Variants in NOP2 observed in about 807,000 individuals in gnomAD.
The protein encoded by NOP2 is NOP2 nucleolar protein.
In NOP2, 7 loss-of-function variants were observed where a neutral mutation model predicts 72.7. The observed-to-expected ratio is 0.10, with a 90% confidence interval of 0.05 to 0.18. The LOEUF (loss-of-function observed/expected upper bound fraction) is 0.18. Among genes scored for constraint, NOP2 ranks in the 10% least tolerant of loss-of-function variants. The pLI, the probability that NOP2 is intolerant of heterozygous loss-of-function variation, is 1.00. For synonymous variants in NOP2, 387 were observed against 388.0 expected, an observed-to-expected ratio of 1.00 and a Z score of 0.03; for missense variants, 954 against 1,014.7, an observed-to-expected ratio of 0.94 and a Z score of 0.81.
intron 5 of NOP2, among the ~76,000 whole-genome samples, chr12:6,565,524 G>C (rs1272144904): frequency 2.0e-5 from 3 of 151,702 alleles, no homozygotes; most frequent in Non-Finnish European, 4.4e-5. Flanking sequence ...ATTTTTAGTA[G>C]GGATGGGGTT....
At position 6,561,652 on chromosome 12, in the gene NOP2, C is replaced by T. The variant is rs1947652824; in HGVS notation, c.1207+12G>A. 1.9e-6 allele frequency: 3 copies of T among 1,611,852 alleles called. No homozygotes were observed. Among genetic ancestry groups the T allele is most frequent in the Admixed American group, 1.7e-5 (1 of 59,980 alleles). ...CAGCCCGATGAATCCCACCTGCCTG[C>T]CCCTCTCATACCCATGTAGCTGGTC... On this transcript the variant is annotated intron_variant, in intron 11 of 15. Transcript: ENST00000322166.
rs938784834 is a variant in NOP2, at chr12:6,561,892, A to G, written c.1058T>C (p.Val353Ala). The G allele has an allele frequency of 9.9e-6, 16 of 1,611,420 alleles. No homozygotes were observed. Among genetic ancestry groups the G allele is most frequent in the Non-Finnish European group, 1.3e-5 (15 of 1,178,854 alleles). The change falls in exon 10 of 16, where the codon GTG becomes GCG. Residue 353 changes from valine (V) to alanine (A), a missense_variant. Val to Ala is a moderately conservative substitution (Grantham distance 64, BLOSUM62 0). This residue lies in a region of NOP2 where 498 missense variants were observed against 478.3 expected (regional missense o/e 1.04). Coordinates refer to ENST00000322166, the MANE Select transcript of NOP2 (RefSeq NM_001258308.2). ...KTGLVVYDSS[V>A]PIGATPEYLA... The stretch of plus-strand genomic sequence containing the variant: ...GGGTGGGGGAGACTTACCAATGGGC[A>G]CAGAAGAATCATACACCACTAGTCC...
chr12:6,557,836 T>C (rs1947534900), intron 15 of NOP2, among the ~76,000 whole-genome samples, 194 bp from the exon 16 acceptor site: 1 of 152,166 alleles, frequency 6.6e-6, no homozygotes, highest in Admixed American at 6.5e-5. Flanking sequence ...TAGTTGAACC[T>C]TGTATTAAAA....
chr12:6,567,942 GAGA>G lies in NOP2; in HGVS notation c.-4-23_-4-21del. On this transcript the variant is annotated intron_variant, in intron 1 of 15. Transcript: ENST00000322166. ...ATGGTACTGTGGCAGGCAGAAATGG[GAGA>G]AGGTGGCGTCGCGCGTGTCGGAGGG... 6.3e-7 allele frequency: 1 copy of G among 1,594,530 alleles called. No homozygotes were observed. The highest frequency in any genetic ancestry group is 1.3e-5 in the African/African-American group (1 of 74,516).
chr12:6,557,387 G>GGAA lies in NOP2; in HGVS notation c.2044_2045insTTC (p.Gln681_Pro682insLeu). On this transcript the variant is annotated inframe_insertion, in exon 16 of 16. Transcript: ENST00000322166. ...CCTGATCCCTTCGGCTTTTCCAGCT[G>GGAA]GCTGACTGCTATCCTGGAAGCTGGA... 1 of 1,614,046 alleles carries GGAA rather than the reference G, an allele frequency of 6.2e-7. No individual in the cohort carries two copies. The highest frequency in any genetic ancestry group is 1.1e-5 in the South Asian group (1 of 91,084).
intron 5 of NOP2, among the ~76,000 whole-genome samples, chr12:6,564,837 T>C (rs918242927): frequency 1.3e-5 from 2 of 150,738 alleles, no homozygotes; most frequent in South Asian, 2.2e-4. Context: ...GGCATTTTCA[T>C]AGACATAATG....
chr12:6,561,792 T>G lies in NOP2; in HGVS notation c.1079A>C (p.Glu360Ala). The G allele has an allele frequency of 1.2e-6, 2 of 1,610,022 alleles. No homozygotes were observed. The highest frequency in any genetic ancestry group is 1.7e-6 in the Non-Finnish European group (2 of 1,178,118). The change falls in exon 11 of 16, where the codon GAG becomes GCG. Residue 360 changes from glutamate (E) to alanine (A), a missense_variant. This residue lies in a region of NOP2 where 498 missense variants were observed against 478.3 expected (regional missense o/e 1.04). Coordinates refer to ENST00000322166, the MANE Select transcript of NOP2 (RefSeq NM_001258308.2). ...DSSVPIGATP[E>A]YLAGHYMLQG... ...CAGCATGTAGTGCCCAGCCAGGTACTCGGGGGTAGCACCTGTGGAGAAGGA... is the reference window on the plus strand; with the variant it reads ...CAGCATGTAGTGCCCAGCCAGGTACGCGGGGGTAGCACCTGTGGAGAAGGA...
chr12:6,566,710 A>AT (rs1437931707), intron 3 of NOP2, 67 bp downstream of exon 3: 1 of 1,590,548 alleles, frequency 6.3e-7, no homozygotes, highest in African/African-American at 1.3e-5. Context: ...AGAGTCTAGA[A>AT]TTAACTCTGT....
In NOP2 at chr12:6,561,776, G is replaced by T. The variant is rs1177871939; in HGVS notation, c.1095C>A (p.His365Gln). Residue 365 changes from histidine to glutamine, a missense_variant, in exon 11 of 16, where the codon CAC becomes CAA. By Grantham distance (24) the His-to-Gln change is conservative. Coordinates refer to ENST00000322166, the MANE Select transcript of NOP2 (RefSeq NM_001258308.2). ...IGATPEYLAG[H>Q]YMLQGASSML... ...TGCTGGAGGCTCCCTGCAGCATGTAGTGCCCAGCCAGGTACTCGGGGGTAG... is the reference window on the plus strand; with the variant it reads ...TGCTGGAGGCTCCCTGCAGCATGTATTGCCCAGCCAGGTACTCGGGGGTAG... 1.2e-6 allele frequency: 2 copies of T among 1,611,022 alleles called. No individual in the cohort carries two copies. Among genetic ancestry groups the T allele is most frequent in the Non-Finnish European group, 1.7e-6 (2 of 1,178,646 alleles).
chr12:6,566,420 A>G (rs1237568890), intron 4 of NOP2, 84 bp from the exon 5 acceptor site: 18 of 1,500,352 alleles, frequency 1.2e-5, no homozygotes, highest in Admixed American at 1.8e-5. Context: ...TCTACCCCTC[A>G]GAATGTCCTT....
chr12:6,563,014 G>T (rs1255426232), intron 9 of NOP2, 67 bp downstream of exon 9: 14 of 1,440,084 alleles, frequency 9.7e-6, no homozygotes, highest in African/African-American at 1.4e-5. Flanking sequence ...TAGCACAGAG[G>T]AATCTCTGGA....
At position 6,557,110 on chromosome 12, in the gene NOP2, A is replaced by C. The variant is rs372507324; in HGVS notation, c.2322T>G (p.Asn774Lys). ...GAGGCTGAGGCCCCTTGGGGGTATC[A>C]TTCTGTTTCTGGAAGGCAGCTTTCT... ...PFEKAAFQKQNDTPKGPQPPT... is the reference protein window; with the variant it reads ...PFEKAAFQKQKDTPKGPQPPT... The change falls in exon 16 of 16, where the codon AAT becomes AAG. Residue 774 changes from asparagine (N) to lysine (K), a missense_variant. Around this residue, in one of 3 missense-constraint regions of NOP2, gnomAD observed 269 missense variants for 260.2 expected, o/e 1.03. Transcript: ENST00000322166. 6.2e-7 allele frequency: 1 copy of C among 1,613,960 alleles called. No homozygotes were observed. The highest frequency in any genetic ancestry group is 1.7e-5 in the Admixed American group (1 of 60,012).
intron 15 of NOP2, 111 bp from the exon 16 acceptor site, chr12:6,557,753 A>G: frequency 8.5e-7 from 1 of 1,170,506 alleles, no homozygotes; most frequent in Non-Finnish European, 1.2e-6. Context: ...AGCTCCACAC[A>G]ATTAGGTCAG....
In NOP2 at chr12:6,563,737, C is replaced by T. The variant is rs550998848; in HGVS notation, c.565G>A (p.Glu189Lys). ...QWSEEETEDEEEEKEVTPESG... is the reference protein window; with the variant it reads ...QWSEEETEDEKEEKEVTPESG... ...TCAGGGGTCACTTCTTTCTCTTCCT[C>T]CTCGTCCTCGGTCTCCTCTTCACTC... Residue 189 changes from glutamate (E) to lysine (K), a missense_variant, in exon 7 of 16, where the codon GAG (glutamate) becomes AAG (lysine). By Grantham distance (56) the Glu-to-Lys change is moderately conservative. This residue lies in a region of NOP2 where 498 missense variants were observed against 478.3 expected (regional missense o/e 1.04). Transcript: ENST00000322166. 8 of 1,613,336 alleles carry T rather than the reference C, an allele frequency of 5.0e-6. No individual in the cohort carries two copies. The East Asian group carries it at 1.8e-4, about 36-fold the overall frequency.
intron 4 of NOP2, 28 bp downstream of exon 4, chr12:6,566,501 G>A: frequency 1.2e-6 from 2 of 1,604,514 alleles, no homozygotes; most frequent in Non-Finnish European, 1.7e-6. Flanking sequence ...GACTCCTCAT[G>A]TAGCATCCAG....
rs1455468455 is a variant in NOP2, at chr12:6,560,587, C to A, written c.1438-18G>T. ...TTCTCATCCTGTCCCAAAAAGAGAC[C>A]CAAAGGCAGCCTCAGGAGGAGAGGG... On this transcript the variant is annotated intron_variant, in intron 13 of 15. Transcript: ENST00000322166. This position sits in a 1 kb window ranked among gnomAD's most constrained non-coding sequence, Gnocchi z 5.0. 5.0e-6 allele frequency: 8 copies of A among 1,598,290 alleles called. No homozygotes were observed. The South Asian group carries it at 8.9e-5, about 18-fold the overall frequency.
intron 5 of NOP2, among the ~76,000 whole-genome samples, chr12:6,564,707 G>A (rs1947734132): frequency 6.6e-6 from 1 of 150,764 alleles, no homozygotes; most frequent in Non-Finnish European, 1.5e-5. Context: ...GGGATTACAG[G>A]TGTGAGCCAC....
intron 5 of NOP2, among the ~76,000 whole-genome samples, chr12:6,565,155 A>ATTTT (rs34342403): frequency 7.4e-6 from 1 of 136,000 alleles, no homozygotes; most frequent in Non-Finnish European, 1.6e-5. Flanking sequence ...GGAAGCAGTT[A>ATTTT]TTTTTTTTTT....
chr12:6,561,059 T>C lies in NOP2; in HGVS notation c.1219A>G (p.Lys407Glu), dbSNP rs745603072. 2 of 1,613,978 alleles carry C rather than the reference T, an allele frequency of 1.2e-6. No individual in the cohort carries two copies. The highest frequency in any genetic ancestry group is 1.7e-6 in the Non-Finnish European group (2 of 1,179,892). Residue 407 changes from lysine to glutamate, a missense_variant, in exon 12 of 16, where the codon AAG becomes GAG. Lys to Glu is a moderately conservative substitution (Grantham distance 56, BLOSUM62 1). This residue lies in a region of NOP2 where 187 missense variants were observed against 276.2 expected (regional missense o/e 0.68). Transcript: ENST00000322166. ...GKTSYMAQLM[K>E]NTGVILANDA... Reference sequence around the variant, plus strand: ...TTGGCAAGGATCACACCCGTGTTCTTCATCAGCTGGGCTAAAGAGAGGGCA... The same window carrying C: ...TTGGCAAGGATCACACCCGTGTTCTCCATCAGCTGGGCTAAAGAGAGGGCA...
Sources: allele counts gnomAD v4.1 joint callset (sites outside exome capture counted in the v4.1 genomes callset), GRCh38; gene constraint gnomAD v4.1.1; regional missense constraint gnomAD v4.1.1; non-coding constraint Gnocchi (gnomAD v3.1); transcripts MANE v1.5; gene names NCBI Gene and HGNC (gene_info 2026-07-23, HGNC 2026-07-21).